Variants in HAUS1 observed in about 807,000 individuals in gnomAD.
HAUS1 encodes HAUS augmin-like complex subunit 1.
In HAUS1, 25 loss-of-function variants were observed where a neutral mutation model predicts 38.6. That is an observed-to-expected ratio of 0.65 (90% confidence interval 0.47 to 0.91). The LOEUF (loss-of-function observed/expected upper bound fraction) is 0.91, where lower values mean the gene tolerates loss of function less well. Ranked by LOEUF, HAUS1 falls within the 40% of genes least tolerant of loss-of-function variation. The pLI is 0.00. For missense variants in HAUS1, 325 were observed against 328.4 expected, an observed-to-expected ratio of 0.99 and a Z score of 0.08; for synonymous variants, 109 against 112.9, an observed-to-expected ratio of 0.97 and a Z score of 0.22.
intron 2 of HAUS1, among the ~76,000 whole-genome samples, chr18:46,109,380 G>A (rs748469430): frequency 1.6e-4 from 25 of 152,230 alleles, no homozygotes; most frequent in African/African-American, 4.8e-4. Context: ...ATGAGATTTA[G>A]GTGGGGCCAC....
At chr18:46,127,547 T>C (rs1457433158) in intron 8 of HAUS1, among the ~76,000 whole-genome samples, 3 of 151,382 alleles carry the variant, frequency 2.0e-5, no homozygotes, top group African/African-American at 7.3e-5. Flanking sequence ...CTACTAAAAA[T>C]ACAAAAAAAA....
chr18:46,122,297 T>G (rs1957056381), intron 4 of HAUS1, among the ~76,000 whole-genome samples, 170 bp from the exon 5 acceptor site: 1 of 140,246 alleles, frequency 7.1e-6, no homozygotes, highest in Non-Finnish European at 1.5e-5. Flanking sequence ...GACCAAGACC[T>G]CATCTCTTAA....
intron 3 of HAUS1, among the ~76,000 whole-genome samples, chr18:46,118,873 A>T (rs28715068): frequency 0.17 from 25,807 of 151,814 alleles, 3,072 homozygotes; most frequent in East Asian, 0.41. Flanking sequence ...ATTTTGTTTT[A>T]GTTTTTGTTT....
At chr18:46,123,039 G>C (rs747254552) in intron 5 of HAUS1, 1 of 377,984 alleles carries the variant, frequency 2.6e-6, no homozygotes, top group African/African-American at 2.1e-5. Context: ...GTGAAACCCC[G>C]TCTCTACTAA....
At position 46,122,510 on chromosome 18, in the gene HAUS1, A is replaced by C; in HGVS notation, c.520A>C (p.Lys174Gln). ...GTTGCATCTGTCTACAGAAAGGGCC[A>C]AAGTTGATAATCGTCGTCAGAACAT... ...AELHLSTERA[K>Q]VDNRRQNMDF... The change falls in exon 5 of 9, where the codon AAA (lysine) becomes CAA (glutamine). Residue 174 changes from lysine to glutamine, a missense_variant. Transcript: ENST00000282058. 1 of 1,614,076 alleles carries C rather than the reference A, an allele frequency of 6.2e-7. No homozygotes were observed. The highest frequency in any genetic ancestry group is 8.5e-7 in the Non-Finnish European group (1 of 1,179,940).
Position 46,109,370 on chromosome 18 carries a change from A to C in HAUS1, c.205+4002A>C, listed in dbSNP as rs568832782. Among the ~76,000 whole-genome samples the C allele has an allele frequency of 1.3e-5, 2 of 152,274 alleles. 1 individual carries two copies. Among genetic ancestry groups the C allele is most frequent in the Admixed American group, 1.3e-4 (2 of 15,286 alleles). On this transcript the variant is annotated intron_variant, in intron 2 of 8. Transcript: ENST00000282058. Reference sequence around the variant, plus strand: ...TGACACGTGGGGATTACAATTCAACATGAGATTTAGGTGGGGCCACGGAGC... The same window carrying C: ...TGACACGTGGGGATTACAATTCAACCTGAGATTTAGGTGGGGCCACGGAGC...
At position 46,120,022 on chromosome 18, in the gene HAUS1, T is replaced by C. The variant is rs763592190; in HGVS notation, c.438T>C (p.Asn146=). 1 of 1,606,604 alleles carries C rather than the reference T, an allele frequency of 6.2e-7. No homozygotes were observed. Residue 146 remains asparagine, a synonymous_variant, in exon 4 of 9, where the codon AAT becomes AAC. Transcript: ENST00000282058. ...TTGAACTGGAAAAACTTGAAAAAAA[T>C]TTAACTGCAACTTTAGTATTAGAAA... The part of the protein sequence containing the change: ...IKIELEKLEK[N]LTATLVLEKC...
At chr18:46,122,971 G>T (rs1396561694) in intron 5 of HAUS1, among the ~76,000 whole-genome samples, 1 of 152,088 alleles carries the variant, frequency 6.6e-6, no homozygotes, top group Non-Finnish European at 1.5e-5. Context: ...CAGCACTTTG[G>T]GAGGCCAAGG....
chr18:46,113,014 T>TCC (rs1183283706), intron 2 of HAUS1, among the ~76,000 whole-genome samples: 1 of 125,086 alleles, frequency 8.0e-6, no homozygotes, highest in African/African-American at 3.0e-5. Flanking sequence ...ATGGAATATA[T>TCC]ATATTCCATA....
chr18:46,104,950 C>A (rs116848240), intron 1 of HAUS1, among the ~76,000 whole-genome samples: 295 of 152,140 alleles, frequency 1.9e-3, no homozygotes, highest in Non-Finnish European at 3.1e-3. Flanking sequence ...ACCGCTTTTG[C>A]AGATTTGGAA....
chr18:46,127,532 C>G (rs994906664), intron 8 of HAUS1, among the ~76,000 whole-genome samples: 1 of 151,784 alleles, frequency 6.6e-6, no homozygotes, highest in African/African-American at 2.4e-5. Context: ...GGTGAAACCC[C>G]ATCTCTACTA....
chr18:46,116,651 C>A (rs1280408370), intron 2 of HAUS1, among the ~76,000 whole-genome samples: 1 of 151,984 alleles, frequency 6.6e-6, no homozygotes, highest in African/African-American at 2.4e-5. Context: ...ACAGACATTT[C>A]TCCTACGAAG....
intron 2 of HAUS1, among the ~76,000 whole-genome samples, chr18:46,112,202 CT>C (rs1356204490): frequency 1.4e-5 from 2 of 144,898 alleles, no homozygotes; most frequent in Admixed American, 7.2e-5. Flanking sequence ...TTCCTTTGTT[CT>C]TTTTTTCTCT....
At chr18:46,118,110 A>G (rs1911842851) in intron 2 of HAUS1, 71 bp from the exon 3 acceptor site, 1 of 1,464,198 alleles carries the variant, frequency 6.8e-7, no homozygotes, top group Admixed American at 1.7e-5. Context: ...TATGTGAATT[A>G]TGTCTTGATA....
Position 46,124,856 on chromosome 18 carries a change from T to C in HAUS1, c.701T>C (p.Leu234Ser). Residue 234 changes from leucine to serine, a missense_variant, in exon 7 of 9, where the codon TTG (leucine) becomes TCG (serine). Physicochemically the swap from Leu to Ser is moderately radical, Grantham distance 145. Coordinates refer to ENST00000282058, the MANE Select transcript of HAUS1 (RefSeq NM_138443.4). Reference protein sequence around the residue: ...LARLKQQTIPLKKKLESYLDL... With the variant: ...LARLKQQTIPSKKKLESYLDL... ...AGATTAAAGCAACAGACTATACCTT[T>C]GAAGAAAAAATTGGAGTCCTATTTA... 6.2e-7 allele frequency: 1 copy of C among 1,606,654 alleles called. No individual in the cohort carries two copies. The highest frequency in any genetic ancestry group is 8.5e-7 in the Non-Finnish European group (1 of 1,174,392).
intron 4 of HAUS1, among the ~76,000 whole-genome samples, chr18:46,122,196 G>T (rs9965365): frequency 6.6e-6 from 1 of 151,798 alleles, no homozygotes; most frequent in African/African-American, 2.4e-5. Context: ...CTGTAGCCCT[G>T]GCTATTTGGG....
At chr18:46,127,184 C>G (rs1912134084) in intron 8 of HAUS1, among the ~76,000 whole-genome samples, 1 of 151,676 alleles carries the variant, frequency 6.6e-6, no homozygotes, top group South Asian at 2.1e-4. Context: ...GTTGGCCAGG[C>G]TGGTCTCCAA....
intron 2 of HAUS1, among the ~76,000 whole-genome samples, chr18:46,106,017 A>G (rs1177548454): frequency 1.3e-5 from 2 of 152,062 alleles, no homozygotes; most frequent in African/African-American, 4.8e-5. Flanking sequence ...TTACTTACCT[A>G]TCTGTTTTTT....
intron 6 of HAUS1, 119 bp downstream of exon 6, chr18:46,123,483 C>T (rs1359999268): frequency 1.4e-6 from 1 of 707,900 alleles, no homozygotes; most frequent in East Asian, 2.6e-5. Flanking sequence ...TTTCCTTTAC[C>T]TTTGTACTTT....
Sources: gnomAD v4.1 joint callset for allele counts (sites outside exome capture counted in the v4.1 genomes callset) on GRCh38, gnomAD v4.1.1 for gene constraint, MANE v1.5 for transcripts, NCBI Gene and HGNC (gene_info 2026-07-23, HGNC 2026-07-21) for gene names.